Variants in LYSMD2 observed in about 807,000 individuals in gnomAD.
LYSMD2 encodes the protein LysM domain containing 2, also known as lysM and putative peptidoglycan-binding domain-containing protein 2.
In LYSMD2, 6 loss-of-function variants were observed where a neutral mutation model predicts 17.7. The ratio of observed to expected loss-of-function variants is 0.34; its 90% CI spans 0.19 to 0.67. The LOEUF (loss-of-function observed/expected upper bound fraction) is 0.67. Ranked by LOEUF, LYSMD2 falls within the 30% of genes least tolerant of loss-of-function variation. The probability of loss-of-function intolerance (pLI) is 0.69; values close to 1 mark genes in which losing one functional copy is unlikely to be tolerated. For missense variants in LYSMD2, 237 were observed against 286.7 expected (o/e 0.83, Z 1.25); for synonymous variants, 102 against 129.8 (o/e 0.79, Z 1.45).
chr15:51,746,818 G>A (rs7173661), intron 1 of LYSMD2, among the ~76,000 whole-genome samples: 2,294 of 151,578 alleles, frequency 0.015, 80 homozygotes, highest in Admixed American at 0.072. Flanking sequence ...TCAGTTTATC[G>A]CTCCAAAAAG....
intron 1 of LYSMD2, among the ~76,000 whole-genome samples, chr15:51,749,143 T>C (rs941073206): frequency 6.6e-6 from 1 of 152,234 alleles, no homozygotes; most frequent in African/African-American, 2.4e-5. Flanking sequence ...TTACAAGATA[T>C]GGTCCAGAAA....
rs553032428 is a variant in LYSMD2, at chr15:51,751,183, C to G, written c.-1+88G>C. ...TTGCTAACTTCCACCTCGCTTACCT[C>G]CTTCCCTCCCTAGGCTGCCAACCCA... On this transcript the variant is annotated intron_variant, in intron 1 of 2. Transcript: ENST00000454181. 17 of 686,760 alleles carry G rather than the reference C, an allele frequency of 2.5e-5. 1 individual carries two copies. In the East Asian group the frequency reaches 4.3e-4, roughly 18 times the overall value. 42.5% of individuals were successfully genotyped at this position (686,760 alleles called of 1,614,324 possible). A position where few individuals can be genotyped will look rare whatever the true frequency, so the allele number is the denominator to read the frequency against.
In LYSMD2 at chr15:51,725,060, G is replaced by T. The variant is rs1391858632; in HGVS notation, c.335C>A (p.Thr112Asn). 6.2e-7 allele frequency: 1 copy of T among 1,613,016 alleles called. No homozygotes were observed. The highest frequency in any genetic ancestry group is 8.5e-7 in the Non-Finnish European group (1 of 1,179,098). ...FTNDCIFLKK[T>N]LNIPVISEKP... ...CTCTGATATAACTGGGATGTTCAAA[G>T]TTTTCTTCAGAAATATACAATCATT... The change falls in exon 2 of 3, where the codon ACT (threonine) becomes AAT (asparagine). Residue 112 changes from threonine (T) to asparagine (N), a missense_variant. By Grantham distance (65) the Thr-to-Asn change is moderately conservative. Coordinates refer to ENST00000267838, the MANE Select transcript of LYSMD2 (RefSeq NM_153374.3).
intron 1 of LYSMD2, 106 bp from the exon 2 acceptor site, chr15:51,725,227 T>C (rs2055531204): frequency 1.5e-6 from 1 of 680,512 alleles, no homozygotes; most frequent in African/African-American, 1.8e-5. Flanking sequence ...ATGTACACAA[T>C]GCTTTCTTGG....
At chr15:51,736,985 C>A (rs1245496497) in intron 1 of LYSMD2, among the ~76,000 whole-genome samples, 2 of 152,306 alleles carry the variant, frequency 1.3e-5, no homozygotes, top group Admixed American at 6.5e-5. Flanking sequence ...ATGGGGCCTG[C>A]AAATTGGGTG....
At chr15:51,730,092 T>C (rs1165271244) in intron 1 of LYSMD2, among the ~76,000 whole-genome samples, 1 of 152,218 alleles carries the variant, frequency 6.6e-6, no homozygotes, top group Non-Finnish European at 1.5e-5. Flanking sequence ...GAATTTACTG[T>C]CTGGTCACTA....
intron 1 of LYSMD2, among the ~76,000 whole-genome samples, chr15:51,749,286 A>G (rs2141605503): frequency 6.6e-6 from 1 of 152,344 alleles, no homozygotes; most frequent in East Asian, 1.9e-4. Flanking sequence ...TTTTAACATT[A>G]GGTTAAATGT....
rs1202713556 is a variant in LYSMD2, at chr15:51,742,878, CT to C, written c.-1+8392del. 8.5e-5 allele frequency among the ~76,000 whole-genome samples: 13 copies of C among 152,206 alleles called. 1 individual carries two copies. The highest frequency in any genetic ancestry group is 8.5e-4 in the Admixed American group (13 of 15,282). On this transcript the variant is annotated intron_variant, in intron 1 of 2. Transcript: ENST00000454181. ...TCACAAGGCAGAGATGGGAAGATTA[CT>C]TGAGACCAGGAGTTCGAGGCTGCAG...
At chr15:51,738,325 G>T (rs1567229930), upstream of LYSMD2, among the ~76,000 whole-genome samples, 2 of 152,078 alleles carry the variant, frequency 1.3e-5, no homozygotes, top group African/African-American at 4.8e-5. Context: ...AGTTGTTCGG[G>T]TTTCACACTT....
Position 51,737,262 on chromosome 15 carries a change from T to TGCCCCCCCCCCCCC in LYSMD2, c.273+87_273+88insGGGGGGGGGGGGGC. On this transcript the variant is annotated intron_variant, in intron 1 of 2. Coordinates refer to ENST00000267838, the MANE Select transcript of LYSMD2 (RefSeq NM_153374.3). The surrounding 1 kb of genome is among the most constrained non-coding windows in gnomAD (Gnocchi z 4.2). ...CCATCCCCCAAACCCCCACCCGCAG[T>TGCCCCCCCCCCCCC]CCCACCCCCACCCCCACCGCACCCC... 10 of 134,040 alleles carry TGCCCCCCCCCCCCC rather than the reference T, an allele frequency of 7.5e-5. No homozygotes were observed. The highest frequency in any genetic ancestry group is 1.9e-4 in the East Asian group (1 of 5,308). 8.3% of individuals were successfully genotyped at this position (134,040 alleles called of 1,614,324 possible).
intron 2 of LYSMD2, 45 bp downstream of exon 2, chr15:51,724,745 T>C (rs781636031): frequency 5.7e-5 from 79 of 1,391,492 alleles, no homozygotes; most frequent in Non-Finnish European, 7.6e-5. Flanking sequence ...GACATCTTAA[T>C]AGTGATTTAT....
At chr15:51,747,053 A>T (rs144171443) in intron 1 of LYSMD2, among the ~76,000 whole-genome samples, 47 of 148,568 alleles carry the variant, frequency 3.2e-4, no homozygotes, top group African/African-American at 1.1e-3. Context: ...TACGAAAATT[A>T]GCCGGGCTTG....
At chr15:51,738,666 C>CTTG (rs2055628072), upstream of LYSMD2, among the ~76,000 whole-genome samples, 1 of 152,068 alleles carries the variant, frequency 6.6e-6, no homozygotes, top group African/African-American at 2.4e-5. Flanking sequence ...GAAGAGGTAC[C>CTTG]TTGTAGGAAG....
At position 51,737,340 on chromosome 15, in the gene LYSMD2, C is replaced by T. The variant is rs1430977961; in HGVS notation, c.273+10G>A. ...TGCCAGCCCGGGCCGCGGCGGCGCG[C>T]CCTGCTCACCGTGACACCGTACTTG... On this transcript the variant is annotated intron_variant, in intron 1 of 2. Transcript: ENST00000267838. The surrounding 1 kb of genome is among the most constrained non-coding windows in gnomAD (Gnocchi z 4.2). The T allele has an allele frequency of 8.0e-6, 11 of 1,368,162 alleles. No individual in the cohort carries two copies. Among genetic ancestry groups the T allele is most frequent in the Non-Finnish European group, 1.0e-5 (11 of 1,060,796 alleles). 84.8% of individuals were successfully genotyped at this position (1,368,162 alleles called of 1,614,324 possible). A position where few individuals can be genotyped will look rare whatever the true frequency, so the allele number is the denominator to read the frequency against.
Position 51,724,884 on chromosome 15 carries a change from G to T in LYSMD2, c.511C>A (p.Pro171Thr). ...AAATCTCTGGCTGACACTTCCTCAG[G>T]CTGCACAGGCTGAACATCAGATTCT... The part of the protein sequence containing the change: ...PQESDVQPVQ[P>T]EEVSARDFLQ... Residue 171 changes from proline (P) to threonine (T), a missense_variant, in exon 2 of 3, where the codon CCT becomes ACT. Pro to Thr is a conservative substitution (Grantham distance 38). Coordinates refer to ENST00000267838, the MANE Select transcript of LYSMD2 (RefSeq NM_153374.3). 1 of 1,613,998 alleles carries T rather than the reference G, an allele frequency of 6.2e-7. No homozygotes were observed. Among genetic ancestry groups the T allele is most frequent in the Non-Finnish European group, 8.5e-7 (1 of 1,179,914 alleles).
At chr15:51,743,695 G>T (rs1044744331) in intron 1 of LYSMD2, among the ~76,000 whole-genome samples, 1 of 152,200 alleles carries the variant, frequency 6.6e-6, no homozygotes, top group Admixed American at 6.5e-5. Flanking sequence ...TGAATCAATA[G>T]ATCAAATTGT....
intron 1 of LYSMD2, among the ~76,000 whole-genome samples, chr15:51,736,927 C>T (rs974568194): frequency 6.6e-6 from 1 of 152,230 alleles, no homozygotes; most frequent in African/African-American, 2.4e-5. Flanking sequence ...TTTTCACAGA[C>T]AACAAAATTC....
chr15:51,728,225 A>C (rs2055552645), intron 1 of LYSMD2, among the ~76,000 whole-genome samples: 1 of 151,960 alleles, frequency 6.6e-6, no homozygotes, highest in African/African-American at 2.4e-5. Flanking sequence ...CAGCCTGACC[A>C]ACATAGCAAA....
At chr15:51,727,634 C>T (rs1446653822) in intron 1 of LYSMD2, among the ~76,000 whole-genome samples, 2 of 152,212 alleles carry the variant, frequency 1.3e-5, no homozygotes, top group African/African-American at 4.8e-5. Flanking sequence ...AAGGGGCCTA[C>T]AGAGGACTAG....
Sources: gnomAD v4.1 joint callset for allele counts (sites outside exome capture counted in the v4.1 genomes callset) on GRCh38, gnomAD v4.1.1 for gene constraint, Gnocchi (gnomAD v3.1) non-coding constraint, MANE v1.5 for transcripts, NCBI Gene and HGNC (gene_info 2026-07-23, HGNC 2026-07-21) for gene names.